LRRC7: variants seen among roughly 807,000 people sequenced by gnomAD.
LRRC7 encodes the protein leucine-rich repeat-containing protein 7.
Under a neutral mutation model 175.7 loss-of-function variants are expected in LRRC7, and 23 were observed. The ratio of observed to expected loss-of-function variants is 0.13; its 90% CI spans 0.09 to 0.19. The LOEUF (loss-of-function observed/expected upper bound fraction) is 0.19, where lower values mean the gene tolerates loss of function less well. Among genes scored for constraint, LRRC7 ranks in the 10% least tolerant of loss-of-function variants. LRRC7 has a pLI of 1.00. For missense variants in LRRC7, 1,354 were observed against 1,904.7 expected, an observed-to-expected ratio of 0.71 and a Z score of 5.38; for synonymous variants, 685 against 680.9, an observed-to-expected ratio of 1.01 and a Z score of -0.09.
intron 21 of LRRC7, among the ~76,000 whole-genome samples, 181 bp downstream of exon 21, chr1:70,039,974 C>T (rs1360322630): frequency 6.6e-6 from 1 of 152,264 alleles, no homozygotes; most frequent in East Asian, 1.9e-4. Context: ...TGGCTAAATG[C>T]TCTTTGAGAG....
At position 70,127,428 on chromosome 1, in the gene LRRC7, A is replaced by G. The variant is rs187334151; in HGVS notation, c.*5541A>G. ...AGTTTTTATTTAAAAACATACAGTTAAAGTATAGGAATATTGAGTCCCTTG... is the reference window on the plus strand; with the variant it reads ...AGTTTTTATTTAAAAACATACAGTTGAAGTATAGGAATATTGAGTCCCTTG... On this transcript the variant is annotated 3_prime_UTR_variant, in exon 27 of 27. Transcript: ENST00000651989. 5.3e-5 allele frequency among the ~76,000 whole-genome samples: 8 copies of G among 152,342 alleles called. No homozygotes were observed. The highest frequency in any genetic ancestry group is 2.0e-4 in the Admixed American group (3 of 15,298).
chr1:69,668,706 T>C (rs986897042), intron 1 of LRRC7, among the ~76,000 whole-genome samples: 2 of 152,232 alleles, frequency 1.3e-5, no homozygotes, highest in Admixed American at 1.3e-4. Context: ...CTCTAGATCC[T>C]TGAGGAATTA....
At chr1:69,828,854 G>T (rs1238744005) in intron 5 of LRRC7, among the ~76,000 whole-genome samples, 1 of 151,738 alleles carries the variant, frequency 6.6e-6, no homozygotes, top group Admixed American at 6.6e-5. Flanking sequence ...ATTTTATATG[G>T]TTTAACTGTT....
intron 1 of LRRC7, among the ~76,000 whole-genome samples, chr1:69,647,570 A>G (rs1206789013): frequency 6.6e-6 from 1 of 152,016 alleles, no homozygotes; most frequent in Non-Finnish European, 1.5e-5. Flanking sequence ...TCTACAATTT[A>G]TTTAGTGTAG....
intron 22 of LRRC7, among the ~76,000 whole-genome samples, chr1:70,051,862 A>C (rs923631137): frequency 6.6e-6 from 1 of 152,038 alleles, no homozygotes; most frequent in Admixed American, 6.6e-5. Context: ...AGGAGGTTCT[A>C]TCATTGTTTT....
intron 1 of LRRC7, among the ~76,000 whole-genome samples, chr1:69,613,831 A>C (rs1164422580): frequency 6.6e-6 from 1 of 152,084 alleles, no homozygotes; most frequent in Non-Finnish European, 1.5e-5. Context: ...GTTAGAAAAG[A>C]ATTATTCTGG....
rs536694030 is a variant in LRRC7 at position 69,942,893 on chromosome 1, A to G, written c.711+11323A>G. ...TACAAGTTTGTGCAGCCCTTGGCCT[A>G]TGAGCCACCATGTAGCCCAGGACGG... On this transcript the variant is annotated intron_variant, in intron 8 of 26. Coordinates refer to ENST00000651989, the MANE Select transcript of LRRC7 (RefSeq NM_001370785.2). 3.9e-5 allele frequency among the ~76,000 whole-genome samples: 6 copies of G among 152,298 alleles called. 1 individual carries two copies. The highest frequency in any genetic ancestry group is 1.2e-4 in the African/African-American group (5 of 41,584).
chr1:69,914,839 T>A (rs1480289118), intron 7 of LRRC7, among the ~76,000 whole-genome samples: 1 of 152,110 alleles, frequency 6.6e-6, no homozygotes, highest in Non-Finnish European at 1.5e-5. Context: ...TAGAATTGAG[T>A]AGAGACAGAG....
chr1:70,100,041 A>G (rs1664703850), intron 25 of LRRC7, among the ~76,000 whole-genome samples: 1 of 152,212 alleles, frequency 6.6e-6, no homozygotes, highest in African/African-American at 2.4e-5. Context: ...GAATTTCACT[A>G]AGAAATAAAC....
At chr1:70,075,327 T>C (rs1292162722) in intron 23 of LRRC7, among the ~76,000 whole-genome samples, 1 of 151,472 alleles carries the variant, frequency 6.6e-6, no homozygotes, top group Non-Finnish European at 1.5e-5. Flanking sequence ...AAAACAGGAG[T>C]CAACAAAGAA....
At chr1:69,608,340 T>A (rs1647984776) in intron 1 of LRRC7, 1 of 152,118 alleles carries the variant, frequency 6.6e-6, no homozygotes. Context: ...AGCCCTCCTT[T>A]ATATTCCAAG....
chr1:69,973,580 G>A (rs1015325370), intron 8 of LRRC7, among the ~76,000 whole-genome samples: 2 of 152,030 alleles, frequency 1.3e-5, no homozygotes, highest in African/African-American at 2.4e-5. Flanking sequence ...AACCATTTTC[G>A]TAGCTCATTT....
chr1:69,704,799 A>C (rs1663818105), intron 2 of LRRC7, among the ~76,000 whole-genome samples: 1 of 152,026 alleles, frequency 6.6e-6, no homozygotes, highest in South Asian at 2.1e-4. Flanking sequence ...CACTCTTGTA[A>C]ATCTAATCAA....
chr1:69,812,849 T>TTAAG (rs1310662282), intron 4 of LRRC7, among the ~76,000 whole-genome samples: 1 of 152,178 alleles, frequency 6.6e-6, no homozygotes, highest in Non-Finnish European at 1.5e-5. Context: ...TTGGTATTTG[T>TTAAG]TAAGAAGTAT....
chr1:70,086,110 C>A (rs1219049302), intron 24 of LRRC7, among the ~76,000 whole-genome samples: 1 of 151,612 alleles, frequency 6.6e-6, no homozygotes, highest in African/African-American at 2.4e-5. Flanking sequence ...AGCCTTTATT[C>A]TTATTTATTT....
intron 3 of LRRC7, among the ~76,000 whole-genome samples, chr1:69,788,955 T>C (rs61660013): frequency 0.067 from 10,171 of 152,270 alleles, 370 homozygotes; most frequent in South Asian, 0.11. Context: ...TCCCCGCACT[T>C]AGCATAGTGT....
intron 2 of LRRC7, among the ~76,000 whole-genome samples, chr1:69,708,283 T>C (rs1171705666): frequency 6.6e-6 from 1 of 152,180 alleles, no homozygotes; most frequent in African/African-American, 2.4e-5. Context: ...CCTTCAACAG[T>C]CCCTATTGGA....
chr1:70,020,059 G>A (rs1270291281), intron 15 of LRRC7, among the ~76,000 whole-genome samples: 1 of 151,888 alleles, frequency 6.6e-6, no homozygotes, highest in East Asian at 1.9e-4. Flanking sequence ...AGCTGAGTTT[G>A]CTTTTGTTTT....
At chr1:69,729,673 G>A (rs1173010013) in intron 2 of LRRC7, among the ~76,000 whole-genome samples, 7 of 152,154 alleles carry the variant, frequency 4.6e-5, no homozygotes, top group Non-Finnish European at 1.0e-4. Context: ...TGCTTTTATG[G>A]GCTGGCATTC....
Sources: allele counts gnomAD v4.1 joint callset (sites outside exome capture counted in the v4.1 genomes callset), GRCh38; gene constraint gnomAD v4.1.1; transcripts MANE v1.5; gene names NCBI Gene and HGNC (gene_info 2026-07-23, HGNC 2026-07-21).